The following PHACTR1 variants were observed in gnomAD, a reference collection of about 807,000 sequenced individuals.
The protein encoded by PHACTR1 is phosphatase and actin regulator 1.
Under a neutral mutation model 69.2 loss-of-function variants are expected in PHACTR1, and 16 were observed. That is an observed-to-expected ratio of 0.23 (90% CI 0.16 to 0.35). The LOEUF (loss-of-function observed/expected upper bound fraction) is 0.35. PHACTR1 is among the 10% of genes least tolerant of loss of function. The pLI is 1.00. For missense variants in PHACTR1, 510 were observed against 734.7 expected, an observed-to-expected ratio of 0.69 and a Z score of 3.54; for synonymous variants, 312 against 284.5, an observed-to-expected ratio of 1.10 and a Z score of -0.97.
chr6:12,919,274 C>T (rs937375740), intron 4 of PHACTR1, among the ~76,000 whole-genome samples: 2 of 152,164 alleles, frequency 1.3e-5, no homozygotes, highest in African/African-American at 2.4e-5. Context: ...TCCCGAGTAG[C>T]TGGGACTACA....
intron 6 of PHACTR1, among the ~76,000 whole-genome samples, chr6:13,168,783 C>T (rs533282219): frequency 7.1e-4 from 108 of 151,980 alleles, no homozygotes; most frequent in African/African-American, 2.2e-3. Flanking sequence ...GTTGGAGGCA[C>T]GGAGTCAGGA....
chr6:12,795,155 A>T (rs986667510), intron 4 of PHACTR1, among the ~76,000 whole-genome samples: 1 of 152,174 alleles, frequency 6.6e-6, no homozygotes, highest in Non-Finnish European at 1.5e-5. Flanking sequence ...TGGACCACAC[A>T]CTTAGAGTAG....
chr6:13,082,115 C>A (rs1811486827), intron 5 of PHACTR1, among the ~76,000 whole-genome samples: 1 of 152,180 alleles, frequency 6.6e-6, no homozygotes, highest in Non-Finnish European at 1.5e-5. Flanking sequence ...TCACTGATGG[C>A]CCCCCTCTCT....
At chr6:12,928,905 G>A (rs147815875) in intron 4 of PHACTR1, among the ~76,000 whole-genome samples, 1 of 152,238 alleles carries the variant, frequency 6.6e-6, no homozygotes, top group Non-Finnish European at 1.5e-5. Flanking sequence ...AGAAGAGAGG[G>A]AAGCGAGGTG....
intron 4 of PHACTR1, among the ~76,000 whole-genome samples, chr6:12,901,739 A>G (rs1383379751): frequency 6.6e-6 from 1 of 152,044 alleles, no homozygotes; most frequent in African/African-American, 2.4e-5. Context: ...CAGGTGATCC[A>G]CCCGCCTTAG....
At chr6:13,257,575 TG>T (rs1206004637) in intron 10 of PHACTR1, among the ~76,000 whole-genome samples, 49 of 152,364 alleles carry the variant, frequency 3.2e-4, no homozygotes, top group African/African-American at 1.2e-3. Flanking sequence ...TCACAGCTCT[TG>T]ACTCCTCTGG....
intron 4 of PHACTR1, among the ~76,000 whole-genome samples, chr6:12,857,788 G>C (rs545640999): frequency 6.6e-6 from 1 of 152,258 alleles, no homozygotes; most frequent in East Asian, 1.9e-4. Context: ...CCCAGTACTA[G>C]TAATGATTCT....
At chr6:13,163,863 CAG>C (rs1759401863) in intron 6 of PHACTR1, among the ~76,000 whole-genome samples, 1 of 152,172 alleles carries the variant, frequency 6.6e-6, no homozygotes, top group African/African-American at 2.4e-5. Context: ...TTTTTTATAA[CAG>C]TGACTTTATA....
At chr6:13,196,648 T>C (rs1764480542) in intron 7 of PHACTR1, 1 of 152,934 alleles carries the variant, frequency 6.5e-6, no homozygotes, top group Non-Finnish European at 1.5e-5. Flanking sequence ...CTTGAACTCC[T>C]AACCTCGTGA....
chr6:12,877,984 T>G (rs35925781), intron 4 of PHACTR1, among the ~76,000 whole-genome samples: 4,772 of 152,236 alleles, frequency 0.031, 115 homozygotes, highest in Non-Finnish European at 0.046. Context: ...TACACTCACT[T>G]AAAAGCTCAG....
chr6:12,988,953 T>G (rs992826681), intron 4 of PHACTR1, among the ~76,000 whole-genome samples: 2 of 152,210 alleles, frequency 1.3e-5, no homozygotes, highest in African/African-American at 4.8e-5. Context: ...ATTTTTGAAC[T>G]TGGCAGAGTC....
At chr6:12,941,184 G>A (rs1790021523) in intron 4 of PHACTR1, among the ~76,000 whole-genome samples, 1 of 152,126 alleles carries the variant, frequency 6.6e-6, no homozygotes, top group South Asian at 2.1e-4. Context: ...CAATACGTTT[G>A]GGTAAACTTT....
intron 4 of PHACTR1, among the ~76,000 whole-genome samples, chr6:13,000,906 A>C (rs1798030308): frequency 6.6e-6 from 1 of 152,214 alleles, no homozygotes; most frequent in African/African-American, 2.4e-5. Context: ...TTAGAGTCAA[A>C]GAATTACATT....
chr6:13,071,754 G>T (rs1403757927), intron 5 of PHACTR1, among the ~76,000 whole-genome samples: 1 of 152,102 alleles, frequency 6.6e-6, no homozygotes, highest in Middle Eastern at 3.2e-3. Flanking sequence ...GTTCCGTATT[G>T]CTGGGGTTTA....
chr6:13,075,886 T>C (rs1810384080), intron 5 of PHACTR1, among the ~76,000 whole-genome samples: 1 of 152,154 alleles, frequency 6.6e-6, no homozygotes, highest in South Asian at 2.1e-4. Flanking sequence ...TAAGTCAAGC[T>C]AGATCCAAGT....
At chr6:13,011,864 T>C (rs1208335493) in intron 4 of PHACTR1, among the ~76,000 whole-genome samples, 1 of 152,294 alleles carries the variant, frequency 6.6e-6, no homozygotes, top group East Asian at 1.9e-4. Flanking sequence ...CAGAACACAA[T>C]GCAGTAAATT....
chr6:12,948,727 T>G (rs1328932263), intron 4 of PHACTR1, among the ~76,000 whole-genome samples: 1 of 152,226 alleles, frequency 6.6e-6, no homozygotes, highest in African/African-American at 2.4e-5. Context: ...CATATTTATC[T>G]TTCAATTAGG....
chr6:12,947,717 C>T (rs1790839641), intron 4 of PHACTR1, among the ~76,000 whole-genome samples: 1 of 152,172 alleles, frequency 6.6e-6, no homozygotes, highest in African/African-American at 2.4e-5. Flanking sequence ...ATTTAATCCT[C>T]ACAATCACCC....
chr6:13,192,490 G>T (rs1763735875), intron 7 of PHACTR1, among the ~76,000 whole-genome samples: 1 of 152,222 alleles, frequency 6.6e-6, no homozygotes, highest in African/African-American at 2.4e-5. Flanking sequence ...TGGTGAAACT[G>T]TGGAGAGCTG....
Sources: gnomAD v4.1 joint callset for allele counts (sites outside exome capture counted in the v4.1 genomes callset) on GRCh38, gnomAD v4.1.1 for gene constraint, MANE v1.5 for transcripts, NCBI Gene and HGNC (gene_info 2026-07-23, HGNC 2026-07-21) for gene names.